CHORDC1: variants seen among roughly 807,000 people sequenced by gnomAD.
The protein encoded by CHORDC1 is cysteine and histidine rich domain containing 1.
CHORDC1 carries 25 observed loss-of-function variants against 48.3 expected under a neutral mutation model. The ratio of observed to expected loss-of-function variants is 0.52; its 90% CI spans 0.38 to 0.72. The LOEUF (loss-of-function observed/expected upper bound fraction) is 0.72. CHORDC1 is among the 30% of genes least tolerant of loss of function. The pLI, the probability that CHORDC1 is intolerant of heterozygous loss-of-function variation, is 0.00. For missense variants in CHORDC1, 317 were observed against 388.7 expected, an observed-to-expected ratio of 0.82 and a Z score of 1.55; for synonymous variants, 128 against 126.4, an observed-to-expected ratio of 1.01 and a Z score of -0.09.
At position 90,201,507 on chromosome 11, in the gene CHORDC1, G is replaced by C. The variant is rs897772572; in HGVS notation, c.*898C>G. 1 of 151,884 alleles carries C rather than the reference G, an allele frequency of 6.6e-6. No individual in the cohort carries two copies. Among genetic ancestry groups the C allele is most frequent in the Non-Finnish European group, 1.5e-5 (1 of 67,796 alleles). 9.4% of individuals were successfully genotyped at this position (151,884 alleles called of 1,614,324 possible). A position where few individuals can be genotyped will look rare whatever the true frequency, so the allele number is the denominator to read the frequency against. On this transcript the variant is annotated 3_prime_UTR_variant, in exon 11 of 11. Transcript: ENST00000320585. Reference sequence around the variant, plus strand: ...GTCATAAAGCAACTCCATATATTTAGTTTTCTGATATCCTAATGTATTTCC... The same window carrying C: ...GTCATAAAGCAACTCCATATATTTACTTTTCTGATATCCTAATGTATTTCC...
chr11:90,222,466 C>T, intron 1 of CHORDC1: 1 of 367,478 alleles, frequency 2.7e-6, no homozygotes, highest in Non-Finnish European at 5.3e-6. Context: ...GCCACCTCTC[C>T]CTCTCGCGCA....
intron 6 of CHORDC1, 164 bp from the exon 7 acceptor site, chr11:90,206,436 A>G (rs567282172): frequency 9.1e-6 from 5 of 546,580 alleles, no homozygotes; most frequent in African/African-American, 5.7e-5. Context: ...AAAAAATGAA[A>G]AATGATTCCC....
intron 5 of CHORDC1, 114 bp downstream of exon 5, chr11:90,211,101 A>C: frequency 1.6e-6 from 1 of 643,618 alleles, no homozygotes; most frequent in Non-Finnish European, 2.6e-6. Context: ...AAGTTTCTTA[A>C]CTACAATGTG....
chr11:90,222,196 T>C lies in CHORDC1; in HGVS notation c.64+695A>G, dbSNP rs892296416. ...TCCTTAACTCGACATCTAGGTGCTG[T>C]AGATGACATTCACTCATTTTATACG... is the stretch of plus-strand genomic sequence containing the variant. On this transcript the variant is annotated intron_variant, in intron 1 of 10. Transcript: ENST00000320585. Among the ~76,000 whole-genome samples, 10 of 152,342 alleles carry C rather than the reference T, an allele frequency of 6.6e-5. No individual in the cohort carries two copies. In the South Asian group the frequency reaches 1.2e-3, roughly 19 times the overall value.
intron 6 of CHORDC1, chr11:90,207,874 C>T (rs1051502997): frequency 6.6e-6 from 1 of 150,612 alleles, no homozygotes; most frequent in African/African-American, 2.4e-5. Flanking sequence ...ATACAACCAC[C>T]TTGGAAAACT....
intron 10 of CHORDC1, 93 bp from the exon 11 acceptor site, chr11:90,202,644 T>G: frequency 1.4e-6 from 2 of 1,467,108 alleles, no homozygotes; most frequent in Non-Finnish European, 1.8e-6. Flanking sequence ...TAATCCCAAA[T>G]CCAAGCTTCT....
At chr11:90,222,567 A>T (rs1378186584) in intron 1 of CHORDC1, 1 of 566,994 alleles carries the variant, frequency 1.8e-6, no homozygotes, top group East Asian at 4.1e-5. Flanking sequence ...GGAGGGCCAG[A>T]GGAGAAACGT....
intron 6 of CHORDC1, chr11:90,209,326 G>A (rs994619528): frequency 6.6e-6 from 1 of 152,094 alleles, no homozygotes; most frequent in African/African-American, 2.4e-5. Flanking sequence ...AGCAAATCCT[G>A]CTAATACAGG....
intron 10 of CHORDC1, 100 bp downstream of exon 10, chr11:90,202,713 C>T: frequency 2.1e-6 from 3 of 1,416,804 alleles, no homozygotes; most frequent in Non-Finnish European, 1.9e-6. Context: ...TTAAGTTATA[C>T]ATCTATACTT....
chr11:90,210,978 C>A (rs1857844511), intron 5 of CHORDC1: 1 of 307,582 alleles, frequency 3.3e-6, no homozygotes, highest in Non-Finnish European at 5.8e-6. Context: ...AAATAATGAA[C>A]CATAAAAGAA....
At chr11:90,210,656 T>C (rs2060279365) in intron 5 of CHORDC1, 62 bp from the exon 6 acceptor site, 1 of 1,040,228 alleles carries the variant, frequency 9.6e-7, no homozygotes, top group Admixed American at 2.2e-5. Context: ...GTGGCATCAT[T>C]CTTAAAAACT....
chr11:90,220,437 G>A (rs978139130), intron 1 of CHORDC1, among the ~76,000 whole-genome samples: 1 of 152,154 alleles, frequency 6.6e-6, no homozygotes, highest in African/African-American at 2.4e-5. Context: ...GTATGCAGAA[G>A]GACATGAAGT....
chr11:90,202,528 A>G lies in CHORDC1; in HGVS notation c.876T>C (p.Tyr292=), dbSNP rs745990530. ...LWGVIDVKRS[Y]VTMTATKIEI... ...CAATCTTTGTTGCAGTCATAGTTAC[A>G]TAACTTCGCTTTACATCAATCACCT... The change falls in exon 11 of 11, where the codon TAT becomes TAC. Residue 292 remains tyrosine (Y), a synonymous_variant. Transcript: ENST00000320585. 6.3e-5 allele frequency: 102 copies of G among 1,613,372 alleles called. No homozygotes were observed. Among genetic ancestry groups the G allele is most frequent in the Non-Finnish European group, 7.7e-5 (91 of 1,179,644 alleles).
rs190067833 is a variant in CHORDC1 at position 90,206,173 on chromosome 11, A to T, written c.563+29T>A. The T allele has an allele frequency of 3.7e-4, 461 of 1,257,144 alleles. 5 individuals carry two copies. The African/African-American group carries it at 5.2e-3, about 14-fold the overall frequency. The allele number at this position is 1,257,144 out of a possible 1,614,324, so 77.9% of individuals were successfully genotyped here. Reference sequence around the variant, plus strand: ...TTTAACTTTCTAAATTCTACCATAAACTATTTTAATAAGTCATGCATAAGT... The same window carrying T: ...TTTAACTTTCTAAATTCTACCATAATCTATTTTAATAAGTCATGCATAAGT... On this transcript the variant is annotated intron_variant, in intron 7 of 10. Transcript: ENST00000320585.
rs953904089 is a variant in CHORDC1, at chr11:90,211,397, G to A, written c.330-79C>T. On this transcript the variant is annotated intron_variant, in intron 4 of 10. Coordinates refer to ENST00000320585, the MANE Select transcript of CHORDC1 (RefSeq NM_012124.3). ...GTACTCCAAATTAATAACCTTAAAAGCTTTCTGAGAAGCCAAATGCTTTGT... is the reference window on the plus strand; with the variant it reads ...GTACTCCAAATTAATAACCTTAAAAACTTTCTGAGAAGCCAAATGCTTTGT... 3 of 905,934 alleles carry A rather than the reference G, an allele frequency of 3.3e-6. No homozygotes were observed. In the African/African-American group the frequency reaches 5.1e-5, roughly 15 times the overall value. The allele number at this position is 905,934 out of a possible 1,614,324, so 56.1% of individuals were successfully genotyped here.
At position 90,206,039 on chromosome 11, in the gene CHORDC1, C is replaced by A. The variant is rs183988150; in HGVS notation, c.563+163G>T. The A allele has an allele frequency of 5.9e-4, 373 of 632,346 alleles. 2 individuals carry two copies. The highest frequency in any genetic ancestry group is 1.3e-3 in the South Asian group (74 of 55,002). The allele number at this position is 632,346 out of a possible 1,614,324, so 39.2% of individuals were successfully genotyped here. A position where few individuals can be genotyped will look rare whatever the true frequency, so the allele number is the denominator to read the frequency against. On this transcript the variant is annotated intron_variant, in intron 7 of 10. Coordinates refer to ENST00000320585, the MANE Select transcript of CHORDC1 (RefSeq NM_012124.3). ...TTCTGTTTTCTCATGTATAAACACA[C>A]AACATACAAACCCCTGTGTTTGTGT...
chr11:90,205,180 T>G (rs2186606), intron 8 of CHORDC1, among the ~76,000 whole-genome samples: 64,887 of 151,908 alleles, frequency 0.43, 14,343 homozygotes, highest in East Asian at 0.59. Context: ...GGAGCTAATT[T>G]TATTAATTAA....
chr11:90,213,485 G>T, intron 4 of CHORDC1: 1 of 664,782 alleles, frequency 1.5e-6, no homozygotes, highest in Non-Finnish European at 2.7e-6. Context: ...CAGAAGGCAA[G>T]TATGAAGAAT....
At chr11:90,203,267 A>G in intron 9 of CHORDC1, 41 bp downstream of exon 9, 1 of 1,519,402 alleles carries the variant, frequency 6.6e-7, no homozygotes, top group Non-Finnish European at 9.0e-7. Context: ...AGAATGATGT[A>G]TAGAAAAGAA....
Sources: allele counts gnomAD v4.1 joint callset (sites outside exome capture counted in the v4.1 genomes callset), GRCh38; gene constraint gnomAD v4.1.1; transcripts MANE v1.5; gene names NCBI Gene and HGNC (gene_info 2026-07-23, HGNC 2026-07-21).